The following KDM5A variants were observed in gnomAD, a reference collection of about 807,000 sequenced individuals.
KDM5A encodes the protein lysine-specific demethylase 5A.
In KDM5A, 42 loss-of-function variants were observed where a neutral mutation model predicts 193.5. The ratio of observed to expected loss-of-function variants is 0.22; its 90% CI spans 0.17 to 0.28. The LOEUF is 0.28. Ranked by LOEUF, KDM5A falls within the 10% of genes least tolerant of loss-of-function variation. The pLI is 1.00. For missense variants in KDM5A, 1,692 were observed against 2,055.1 expected (o/e 0.82, Z 3.42); for synonymous variants, 796 against 718.1 (o/e 1.11, Z -1.73).
chr12:318,266 C>G lies in KDM5A; in HGVS notation c.2737G>C (p.Asp913His). ...ACATCCAAAGTGACTTGTTGCGGATCTGATAAGGTCAGTCTTACTTCGTCC... is the reference window on the plus strand; with the variant it reads ...ACATCCAAAGTGACTTGTTGCGGATGTGATAAGGTCAGTCTTACTTCGTCC... ...WLDEVRLTLS[D>H]PQQVTLDVMK... The change falls in exon 19 of 28, where the codon GAT becomes CAT. Residue 913 changes from aspartate (D) to histidine (H), a missense_variant. Coordinates refer to ENST00000399788, the MANE Select transcript of KDM5A (RefSeq NM_001042603.3). 1 of 1,614,200 alleles carries G rather than the reference C, an allele frequency of 6.2e-7. No homozygotes were observed. Among genetic ancestry groups the G allele is most frequent in the Non-Finnish European group, 8.5e-7 (1 of 1,180,042 alleles).
chr12:293,288 T>C, intron 26 of KDM5A, 119 bp from the exon 27 acceptor site: 1 of 826,842 alleles, frequency 1.2e-6, no homozygotes, highest in Non-Finnish European at 1.9e-6. Flanking sequence ...CGAACAGAGG[T>C]TACCAGAGGC....
chr12:335,559 T>C (rs922352087), intron 10 of KDM5A, among the ~76,000 whole-genome samples: 1 of 151,966 alleles, frequency 6.6e-6, no homozygotes, highest in Non-Finnish European at 1.5e-5. Context: ...GGGGTGGGGG[T>C]AGGGTCATTA....
intron 3 of KDM5A, among the ~76,000 whole-genome samples, chr12:368,392 C>T (rs762709275): frequency 5.3e-5 from 8 of 152,108 alleles, no homozygotes; most frequent in South Asian, 2.1e-4. Flanking sequence ...AAAGAAGACT[C>T]GAGCCAGACT....
intron 9 of KDM5A, among the ~76,000 whole-genome samples, chr12:351,569 A>C (rs944205046): frequency 7.2e-5 from 11 of 152,180 alleles, no homozygotes; most frequent in South Asian, 4.1e-4. Context: ...CTAGGAAAAG[A>C]AGCAAACCCC....
intron 27 of KDM5A, among the ~76,000 whole-genome samples, chr12:288,379 A>G (rs1055113441): frequency 2.6e-5 from 4 of 152,232 alleles, no homozygotes; most frequent in Non-Finnish European, 1.5e-5. Flanking sequence ...TGAACTGTTC[A>G]AATATTAAAT....
intron 7 of KDM5A, 27 bp from the exon 8 acceptor site, chr12:354,261 C>A (rs2137454808): frequency 1.3e-6 from 2 of 1,483,590 alleles, no homozygotes; most frequent in South Asian, 1.2e-5. Context: ...AAATGAAAGT[C>A]TATTTTCTAT....
intron 4 of KDM5A, among the ~76,000 whole-genome samples, chr12:364,332 G>T (rs1381491425): frequency 6.6e-6 from 1 of 151,918 alleles, no homozygotes; most frequent in Non-Finnish European, 1.5e-5. Flanking sequence ...ATTAGCTGGG[G>T]GTGGTGGCAT....
chr12:353,437 T>C (rs967460833), intron 8 of KDM5A, among the ~76,000 whole-genome samples: 3 of 152,218 alleles, frequency 2.0e-5, no homozygotes, highest in Non-Finnish European at 4.4e-5. Flanking sequence ...TGTCTAGTTA[T>C]ACTTTAATTA....
intron 5 of KDM5A, among the ~76,000 whole-genome samples, chr12:359,178 C>G (rs543202180): frequency 1.1e-4 from 16 of 152,120 alleles, no homozygotes; most frequent in African/African-American, 2.2e-4. Flanking sequence ...TGGATTAGAG[C>G]TGGATTAGAG....
intron 3 of KDM5A, among the ~76,000 whole-genome samples, chr12:375,403 C>T (rs969124060): frequency 2.6e-5 from 4 of 152,182 alleles, no homozygotes; most frequent in Non-Finnish European, 5.9e-5. Context: ...TAGTTGTTCT[C>T]GTGCCATGGT....
chr12:315,146 A>C (rs1467298518), intron 19 of KDM5A, among the ~76,000 whole-genome samples: 2 of 152,244 alleles, frequency 1.3e-5, no homozygotes, highest in African/African-American at 4.8e-5. Flanking sequence ...GAGAAAAAGA[A>C]GGAATAATCC....
In KDM5A at chr12:292,953, CTTTTGCTAG is replaced by C. The variant is rs1943318992; in HGVS notation, c.4663_4671del (p.Leu1555_Lys1557del). 1.9e-6 allele frequency: 3 copies of C among 1,613,292 alleles called. No homozygotes were observed. Among genetic ancestry groups the C allele is most frequent in the Admixed American group, 1.7e-5 (1 of 59,932 alleles). On this transcript the variant is annotated inframe_deletion, in exon 27 of 28. Coordinates refer to ENST00000399788, the MANE Select transcript of KDM5A (RefSeq NM_001042603.3). ...TCCTTCTTTTTCTTTCTCTCTTCTTCTTTTGCTAGTTTCTTGGCCAGTTTATTCAGCTCC... is the reference window on the plus strand; with the variant it reads ...TCCTTCTTTTTCTTTCTCTCTTCTTCTTTCTTGGCCAGTTTATTCAGCTCC...
intron 8 of KDM5A, among the ~76,000 whole-genome samples, chr12:353,087 G>GT (rs1364636108): frequency 2.0e-5 from 3 of 152,192 alleles, no homozygotes; most frequent in African/African-American, 7.2e-5. Flanking sequence ...GCTCGTGTCT[G>GT]TAATCCCAGC....
chr12:319,331 T>C (rs142916103), intron 18 of KDM5A, among the ~76,000 whole-genome samples: 1,523 of 152,292 alleles, frequency 0.01, 19 homozygotes, highest in African/African-American at 0.034. Flanking sequence ...TAGAGCATAG[T>C]TTAGGCAACG....
Position 389,098 on chromosome 12 carries a change from G to A in KDM5A, c.-7C>T, listed in dbSNP as rs1209062104. The A allele has an allele frequency of 2.3e-6, 3 of 1,312,926 alleles. No homozygotes were observed. Among genetic ancestry groups the A allele is most frequent in the African/African-American group, 2.4e-5 (1 of 40,858 alleles). The allele number at this position is 1,312,926 out of a possible 1,614,324, so 81.3% of individuals were successfully genotyped here. A position where few individuals can be genotyped will look rare whatever the true frequency, so the allele number is the denominator to read the frequency against. On this transcript the variant is annotated 5_prime_UTR_variant, in exon 1 of 28. Coordinates refer to ENST00000399788, the MANE Select transcript of KDM5A (RefSeq NM_001042603.3). The stretch of plus-strand genomic sequence containing the variant: ...CCGGCCCCACGCCCGCCATTGCAAC[G>A]GCCGGGGGGGGGGGGGGGTCCCCGT...
At chr12:334,457 A>G in intron 10 of KDM5A, 35 bp from the exon 11 acceptor site, 1 of 1,564,494 alleles carries the variant, frequency 6.4e-7, no homozygotes, top group Non-Finnish European at 8.8e-7. Flanking sequence ...ATGAAAGATC[A>G]GAAATGAAAA....
Position 328,937 on chromosome 12 carries a change from T to C in KDM5A, c.1866A>G (p.Ala622=). Residue 622 remains alanine (A), a synonymous_variant, in exon 14 of 28, where the codon GCA becomes GCG. Transcript: ENST00000399788. ...SHEELIFKMA[A]DPECLDVGLA... is the part of the protein sequence containing the mutation. ...GCCCCACATCTAAGCATTCTGGATCTGCTGCCATCTTGAAAATTAGTTCCT... is the reference window on the plus strand; with the variant it reads ...GCCCCACATCTAAGCATTCTGGATCCGCTGCCATCTTGAAAATTAGTTCCT... 1 of 1,614,254 alleles carries C rather than the reference T, an allele frequency of 6.2e-7. No individual in the cohort carries two copies. The highest frequency in any genetic ancestry group is 8.5e-7 in the Non-Finnish European group (1 of 1,180,032).
intron 10 of KDM5A, among the ~76,000 whole-genome samples, chr12:347,639 C>A (rs1230198251): frequency 6.6e-6 from 1 of 152,080 alleles, no homozygotes; most frequent in Non-Finnish European, 1.5e-5. Flanking sequence ...CTTTGACAAA[C>A]CTGACAAAAA....
rs1176780417 is a variant in KDM5A at position 280,340 on chromosome 12, T to C, written c.*5116A>G. On this transcript the variant is annotated 3_prime_UTR_variant, in exon 28 of 28. Transcript: ENST00000399788. ...CCCCCAAGAAATACTTGATCTAAAC[T>C]GGGAGGGTCCAACACAATTTTTTTT... 1 of 232,888 alleles carries C rather than the reference T, an allele frequency of 4.3e-6. No homozygotes were observed. The highest frequency in any genetic ancestry group is 8.5e-6 in the Non-Finnish European group (1 of 117,940). The allele number at this position is 232,888 out of a possible 1,614,324, so 14.4% of individuals were successfully genotyped here.
Sources: allele counts gnomAD v4.1 joint callset (sites outside exome capture counted in the v4.1 genomes callset), GRCh38; gene constraint gnomAD v4.1.1; transcripts MANE v1.5; gene names NCBI Gene and HGNC (gene_info 2026-07-23, HGNC 2026-07-21).